PPP2R2A: variants seen among roughly 807,000 people sequenced by gnomAD.
PPP2R2A encodes the protein serine/threonine-protein phosphatase 2A 55 kDa regulatory subunit B alpha isoform.
Under a neutral mutation model 53.2 loss-of-function variants are expected in PPP2R2A, and 9 were observed. The ratio of observed to expected loss-of-function variants is 0.17; its 90% CI spans 0.10 to 0.30. The LOEUF is 0.30. PPP2R2A is among the 10% of genes least tolerant of loss of function. The probability of loss-of-function intolerance (pLI) is 1.00; values close to 1 mark genes in which losing one functional copy is unlikely to be tolerated. For synonymous variants in PPP2R2A, 169 were observed against 174.2 expected (o/e 0.97, Z 0.23); for missense variants, 235 against 534.6 (o/e 0.44, Z 5.53).
chr8:26,357,936 T>C (rs1376707147), intron 4 of PPP2R2A, among the ~76,000 whole-genome samples: 1 of 152,120 alleles, frequency 6.6e-6, no homozygotes, highest in African/African-American at 2.4e-5. Flanking sequence ...TTTATGGAGT[T>C]TGATTATTCT....
intron 9 of PPP2R2A, among the ~76,000 whole-genome samples, chr8:26,367,252 T>C (rs1805423035): frequency 6.6e-6 from 1 of 152,050 alleles, no homozygotes; most frequent in Non-Finnish European, 1.5e-5. Flanking sequence ...ATAGCAAACA[T>C]TGCCTTTGAG....
intron 2 of PPP2R2A, among the ~76,000 whole-genome samples, chr8:26,333,875 G>A (rs1351987886): frequency 6.6e-6 from 1 of 152,168 alleles, no homozygotes; most frequent in East Asian, 1.9e-4. Context: ...CCTTCTAAGA[G>A]TGAAACCTGC....
chr8:26,297,648 A>G lies in PPP2R2A; in HGVS notation c.82+3908A>G, dbSNP rs141262959. Reference sequence around the variant, plus strand: ...TTTCTGTGGTCATCTCTTTGTGCCTAGCTCCCCTCTATAAAATGAGGATAA... The same window carrying G: ...TTTCTGTGGTCATCTCTTTGTGCCTGGCTCCCCTCTATAAAATGAGGATAA... On this transcript the variant is annotated intron_variant, in intron 2 of 9. Coordinates refer to ENST00000380737, the MANE Select transcript of PPP2R2A (RefSeq NM_002717.4). Among the ~76,000 whole-genome samples the G allele has an allele frequency of 4.0e-3, 612 of 152,272 alleles. 5 individuals carry two copies. The highest frequency in any genetic ancestry group is 0.014 in the African/African-American group (596 of 41,540).
At chr8:26,320,748 A>AT (rs939060396) in intron 2 of PPP2R2A, among the ~76,000 whole-genome samples, 23 of 152,090 alleles carry the variant, frequency 1.5e-4, no homozygotes, top group African/African-American at 4.1e-4. Flanking sequence ...TATTATTATT[A>AT]TTTTTTTAAA....
chr8:26,334,671 G>C (rs1435872463), intron 2 of PPP2R2A, among the ~76,000 whole-genome samples: 2 of 152,070 alleles, frequency 1.3e-5, no homozygotes, highest in Non-Finnish European at 2.9e-5. Flanking sequence ...CGTGAACCCG[G>C]GAGGCGGAGG....
intron 9 of PPP2R2A, among the ~76,000 whole-genome samples, chr8:26,367,002 T>C (rs1360627318): frequency 6.6e-6 from 1 of 152,202 alleles, no homozygotes; most frequent in Non-Finnish European, 1.5e-5. Flanking sequence ...TTTAGTTGTC[T>C]ATTTGCCACT....
intron 2 of PPP2R2A, among the ~76,000 whole-genome samples, chr8:26,301,393 C>A (rs924454088): frequency 4.1e-5 from 6 of 145,842 alleles, no homozygotes; most frequent in African/African-American, 1.5e-4. Flanking sequence ...AGTGCAATGG[C>A]GTGATCATGG....
Position 26,347,151 on chromosome 8 carries a change from GAC to G in PPP2R2A, c.181-7313_181-7312del, listed in dbSNP as rs991584294. Among the ~76,000 whole-genome samples the G allele has an allele frequency of 3.3e-3, 496 of 151,802 alleles. 6 individuals are homozygous for G. The highest frequency in any genetic ancestry group is 0.011 in the African/African-American group (468 of 41,422). On this transcript the variant is annotated intron_variant, in intron 3 of 9. Transcript: ENST00000380737. Reference sequence around the variant, plus strand: ...ATTTTATGAACTTCAAAGGGAAAGAGACACAAGTAGTAAAATGAATCTTTTTT... The same window carrying G: ...ATTTTATGAACTTCAAAGGGAAAGAGACAAGTAGTAAAATGAATCTTTTTT...
chr8:26,309,457 A>G (rs548428053), intron 2 of PPP2R2A, among the ~76,000 whole-genome samples: 44 of 152,332 alleles, frequency 2.9e-4, no homozygotes, highest in African/African-American at 4.3e-4. Context: ...AGAATGGTCA[A>G]TGAGCATTGG....
intron 2 of PPP2R2A, chr8:26,333,588 A>C (rs17247395): frequency 0.052 from 56,896 of 1,093,238 alleles, 1,793 homozygotes; most frequent in South Asian, 0.13. Context: ...GAGAATGCCA[A>C]GGCTACTAAT....
At chr8:26,366,284 T>G in intron 8 of PPP2R2A, 31 bp from the exon 9 acceptor site, 1 of 1,538,778 alleles carries the variant, frequency 6.5e-7, no homozygotes, top group Non-Finnish European at 8.9e-7. Context: ...TTTCCTAATT[T>G]CAGTGCAGTA....
At chr8:26,333,090 ACATC>A (rs1276674514) in intron 2 of PPP2R2A, among the ~76,000 whole-genome samples, 1 of 152,238 alleles carries the variant, frequency 6.6e-6, no homozygotes, top group Non-Finnish European at 1.5e-5. Flanking sequence ...TTTGGTTGTA[ACATC>A]TGTATGTGCT....
At chr8:26,318,963 A>G (rs956644384) in intron 2 of PPP2R2A, among the ~76,000 whole-genome samples, 21 of 152,106 alleles carry the variant, frequency 1.4e-4, no homozygotes, top group Admixed American at 1.2e-3. Context: ...CATATCCAGG[A>G]CTCTTTTCAT....
chr8:26,311,668 T>G (rs528454094), intron 2 of PPP2R2A, among the ~76,000 whole-genome samples: 4 of 152,182 alleles, frequency 2.6e-5, no homozygotes, highest in Non-Finnish European at 5.9e-5. Flanking sequence ...CAACGTAGCA[T>G]GACCCTGTCT....
intron 2 of PPP2R2A, among the ~76,000 whole-genome samples, chr8:26,295,350 C>T (rs902094617): frequency 1.3e-5 from 2 of 152,122 alleles, no homozygotes; most frequent in African/African-American, 4.8e-5. Context: ...ATTTACCTAC[C>T]TGAACCAAAT....
At chr8:26,347,434 ATTCC>A (rs916113882) in intron 3 of PPP2R2A, among the ~76,000 whole-genome samples, 18 of 148,062 alleles carry the variant, frequency 1.2e-4, no homozygotes, top group Middle Eastern at 3.4e-3. Context: ...TTTTTTTTCC[ATTCC>A]TTTCAGTAAT....
intron 2 of PPP2R2A, among the ~76,000 whole-genome samples, chr8:26,328,937 A>G (rs1297753751): frequency 6.6e-6 from 1 of 152,194 alleles, no homozygotes; most frequent in Non-Finnish European, 1.5e-5. Context: ...CTGATACATA[A>G]TTTGCAGTTT....
At chr8:26,363,518 T>G in intron 7 of PPP2R2A, 1 of 472,342 alleles carries the variant, frequency 2.1e-6, no homozygotes, top group Non-Finnish European at 3.7e-6. Context: ...TACTGCATAC[T>G]TATGCATCTT....
At chr8:26,368,017 CTA>C (rs1805466705) in intron 9 of PPP2R2A, among the ~76,000 whole-genome samples, 1 of 152,310 alleles carries the variant, frequency 6.6e-6, no homozygotes. Flanking sequence ...TAGATTCAGG[CTA>C]TACATTTTTG....
Sources: allele counts gnomAD v4.1 joint callset (sites outside exome capture counted in the v4.1 genomes callset), GRCh38; gene constraint gnomAD v4.1.1; transcripts MANE v1.5; gene names NCBI Gene and HGNC (gene_info 2026-07-23, HGNC 2026-07-21).